The following DERA variants were observed in gnomAD, a reference collection of about 807,000 sequenced individuals.
The protein encoded by DERA is 2-deoxy-D-ribose 5-phosphate aldolase.
In DERA, 15 loss-of-function variants were observed where a neutral mutation model predicts 41.1. That is an observed-to-expected ratio of 0.37 (90% confidence interval 0.24 to 0.56). DERA has a LOEUF of 0.56. DERA is among the 20% of genes least tolerant of loss of function. DERA has a pLI of 0.81. For synonymous variants in DERA, 139 were observed against 137.4 expected (o/e 1.01, Z -0.08); for missense variants, 396 against 403.4 (o/e 0.98, Z 0.16).
At chr12:15,926,482 A>G (rs894945260) in intron 1 of DERA, among the ~76,000 whole-genome samples, 1 of 151,976 alleles carries the variant, frequency 6.6e-6, no homozygotes, top group African/African-American at 2.4e-5. Flanking sequence ...CACGCCTGTA[A>G]TCCCAGCACT....
chr12:16,034,650 A>G (rs1382977244), intron 7 of DERA, among the ~76,000 whole-genome samples: 2 of 152,166 alleles, frequency 1.3e-5, no homozygotes, highest in East Asian at 1.9e-4. Flanking sequence ...GTGTTTTAAA[A>G]TGCGATAGGC....
chr12:15,928,997 A>G lies in DERA; in HGVS notation c.31+17583A>G, dbSNP rs1948307826. ...GCGTTCTCTGTGAAAACTGGACAGG[A>G]GTCAGCTCCTTTAGAGCACTGGCTC... On this transcript the variant is annotated intron_variant, in intron 1 of 8. Transcript: ENST00000428559. This position sits in a 1 kb window ranked among gnomAD's most constrained non-coding sequence, Gnocchi z 4.6. Among the ~76,000 whole-genome samples, 1 of 152,170 alleles carries G rather than the reference A, an allele frequency of 6.6e-6. No homozygotes were observed. Among genetic ancestry groups the G allele is most frequent in the South Asian group, 2.1e-4 (1 of 4,830 alleles).
rs1372535010 is a variant in DERA, at chr12:15,965,263, G to A, written c.508+2316G>A. On this transcript the variant is annotated intron_variant, in intron 5 of 8. Transcript: ENST00000428559. The surrounding 1 kb of genome is among the most constrained non-coding windows in gnomAD (Gnocchi z 4.1). ...CTCCCTTGTGCAGTGAGGTTTGTAG[G>A]ATATTTGGTAAAGCACAATAGAAAG... 6.6e-6 allele frequency among the ~76,000 whole-genome samples: 1 copy of A among 152,144 alleles called. No individual in the cohort carries two copies. Among genetic ancestry groups the A allele is most frequent in the Non-Finnish European group, 1.5e-5 (1 of 68,022 alleles).
rs1948749223 is a variant in DERA at position 15,984,077 on chromosome 12, G to A, written c.637+1641G>A. Among the ~76,000 whole-genome samples, 1 of 152,160 alleles carries A rather than the reference G, an allele frequency of 6.6e-6. No homozygotes were observed. The highest frequency in any genetic ancestry group is 6.5e-5 in the Admixed American group (1 of 15,284). On this transcript the variant is annotated intron_variant, in intron 6 of 8. Coordinates refer to ENST00000428559, the MANE Select transcript of DERA (RefSeq NM_015954.4). The surrounding 1 kb of genome is among the most constrained non-coding windows in gnomAD (Gnocchi z 4.5). The stretch of plus-strand genomic sequence containing the variant: ...TGTTAGCCCAGGTAACAAAGTAAAA[G>A]TTTGGAAACGAATAACAGCAGCCAC...
At chr12:15,953,208 C>CCT (rs1236528751) in intron 1 of DERA, among the ~76,000 whole-genome samples, 1 of 152,276 alleles carries the variant, frequency 6.6e-6, no homozygotes, top group African/African-American at 2.4e-5. Flanking sequence ...ACCTACCCTT[C>CCT]CTCTGAACTT....
At chr12:15,917,615 G>A (rs1381608198) in intron 1 of DERA, among the ~76,000 whole-genome samples, 1 of 152,184 alleles carries the variant, frequency 6.6e-6, no homozygotes. Flanking sequence ...GAGCTAGTAA[G>A]AGTTGAGGTC....
intron 6 of DERA, among the ~76,000 whole-genome samples, chr12:16,025,853 T>C (rs1278231663): frequency 6.6e-6 from 1 of 152,066 alleles, no homozygotes; most frequent in Non-Finnish European, 1.5e-5. Context: ...CAAAATATGT[T>C]CTCAGACCAC....
Position 15,958,172 on chromosome 12 carries a change from C to T in DERA, c.130-16C>T. The T allele has an allele frequency of 6.6e-7, 1 of 1,526,638 alleles. No homozygotes were observed. Among genetic ancestry groups the T allele is most frequent in the South Asian group, 1.3e-5 (1 of 78,354 alleles). 94.6% of individuals were successfully genotyped at this position (1,526,638 alleles called of 1,614,324 possible). A position where few individuals can be genotyped will look rare whatever the true frequency, so the allele number is the denominator to read the frequency against. On this transcript the variant is annotated splice_polypyrimidine_tract_variant and intron_variant, in intron 2 of 8. Transcript: ENST00000428559. ...ATTTATTAAATTTACTTTGTTTTCA[C>T]TTTTGTTTAAACCAGGCTGCTTGGC...
At chr12:15,974,968 C>G (rs115622734) in intron 5 of DERA, among the ~76,000 whole-genome samples, 2,718 of 152,168 alleles carry the variant, frequency 0.018, 87 homozygotes, top group African/African-American at 0.063. Context: ...TTATTTTACT[C>G]AATTGGTTAT....
rs1358706679 is a variant in DERA at position 16,011,078 on chromosome 12, TTC to T, written c.638-21462_638-21461del. Among the ~76,000 whole-genome samples the T allele has an allele frequency of 1.3e-5, 2 of 152,334 alleles. No individual in the cohort carries two copies. The highest frequency in any genetic ancestry group is 3.9e-4 in the East Asian group (2 of 5,180). On this transcript the variant is annotated intron_variant, in intron 6 of 8. Coordinates refer to ENST00000428559, the MANE Select transcript of DERA (RefSeq NM_015954.4). This position sits in a 1 kb window ranked among gnomAD's most constrained non-coding sequence, Gnocchi z 4.7. ...TTCTAAATCCATTTTAAGCAGCTAT[TTC>T]TTCAATTTGAGTAATTTTCTCTCAA...
rs770887211 is a variant in DERA, at chr12:16,036,386, GTAATCATC to G, written c.900+7_900+14del. 6.3e-7 allele frequency: 1 copy of G among 1,585,936 alleles called. No homozygotes were observed. The highest frequency in any genetic ancestry group is 8.5e-7 in the Non-Finnish European group (1 of 1,169,764). On this transcript the variant is annotated splice_donor_region_variant and intron_variant, in intron 8 of 8. Coordinates refer to ENST00000428559, the MANE Select transcript of DERA (RefSeq NM_015954.4). The surrounding 1 kb of genome is among the most constrained non-coding windows in gnomAD (Gnocchi z 4.9). ...CTCTCGGACATTGAGAGGCAGGTGA[GTAATCATC>G]TCTGTCTTTGGAATAAATTAACAAG...
Position 16,019,011 on chromosome 12 carries a change from G to C in DERA, c.638-13531G>C, listed in dbSNP as rs76174699. ...GATTTTTGTCCCCAAGCTGAGCAGA[G>C]GTAAGCTTGGCTAATGTTAGATTTA... On this transcript the variant is annotated intron_variant, in intron 6 of 8. Coordinates refer to ENST00000428559, the MANE Select transcript of DERA (RefSeq NM_015954.4). This position sits in a 1 kb window ranked among gnomAD's most constrained non-coding sequence, Gnocchi z 4.4. 1.3e-5 allele frequency among the ~76,000 whole-genome samples: 2 copies of C among 152,130 alleles called. No homozygotes were observed. The highest frequency in any genetic ancestry group is 4.2e-4 in the South Asian group (2 of 4,814).
In DERA at chr12:15,982,322, AT is replaced by A. The variant is rs775544134; in HGVS notation, c.525del (p.Arg176ValfsTer16). On this transcript the variant is annotated frameshift_variant, in exon 6 of 9. Coordinates refer to ENST00000428559, the MANE Select transcript of DERA (RefSeq NM_015954.4). LOFTEE classifies it high-confidence loss of function. This position sits in a 1 kb window ranked among gnomAD's most constrained non-coding sequence, Gnocchi z 4.0. ...TTCTTCCCCAGCCCTGTATGATGAGATTCGTCAGTTTCGCAAGGCCTGTGGG... is the reference window on the plus strand; with the variant it reads ...TTCTTCCCCAGCCCTGTATGATGAGATCGTCAGTTTCGCAAGGCCTGTGGG... ...TGQWEALYDE[I>X]RQFRKACGEA... 1 of 1,613,078 alleles carries A rather than the reference AT, an allele frequency of 6.2e-7. No individual in the cohort carries two copies. Among genetic ancestry groups the A allele is most frequent in the Non-Finnish European group, 8.5e-7 (1 of 1,179,674 alleles).
At chr12:15,916,040 CT>C (rs980038539) in intron 1 of DERA, 11 of 152,192 alleles carry the variant, frequency 7.2e-5, no homozygotes, top group African/African-American at 2.7e-4. Context: ...TAATGTTACT[CT>C]TTTAGGTTTG....
intron 1 of DERA, among the ~76,000 whole-genome samples, chr12:15,926,390 A>G (rs1302657499): frequency 2.0e-5 from 3 of 152,116 alleles, no homozygotes; most frequent in African/African-American, 7.2e-5. Flanking sequence ...TCATTCGTCT[A>G]TCATAGCAAT....
Position 15,958,245 on chromosome 12 carries a change from G to T in DERA, c.187G>T (p.Asp63Tyr). The T allele has an allele frequency of 6.3e-7, 1 of 1,594,640 alleles. No homozygotes were observed. Among genetic ancestry groups the T allele is most frequent in the Non-Finnish European group, 8.6e-7 (1 of 1,169,542 alleles). ...FIDLTTLSGD[D>Y]TSSNIQRLCY... ...AGATCTTACTACACTTTCAGGTGAT[G>T]ATACATCTTCCAACATTCAAAGGCT... The change falls in exon 3 of 9, where the codon GAT (aspartate) becomes TAT (tyrosine). Residue 63 changes from aspartate (D) to tyrosine (Y), a missense_variant. Asp to Tyr is a radical substitution (Grantham distance 160). Transcript: ENST00000428559.
intron 1 of DERA, among the ~76,000 whole-genome samples, chr12:15,933,045 T>C (rs1592004584): frequency 1.3e-5 from 2 of 152,252 alleles, no homozygotes; most frequent in Non-Finnish European, 2.9e-5. Flanking sequence ...TTAGGTTTAC[T>C]ACATTTTCTT....
rs1363367839 is a variant in DERA, at chr12:15,966,148, T to C, written c.508+3201T>C. Among the ~76,000 whole-genome samples, 1 of 152,118 alleles carries C rather than the reference T, an allele frequency of 6.6e-6. No homozygotes were observed. The highest frequency in any genetic ancestry group is 1.5e-5 in the Non-Finnish European group (1 of 68,024). On this transcript the variant is annotated intron_variant, in intron 5 of 8. Transcript: ENST00000428559. The surrounding 1 kb of genome is among the most constrained non-coding windows in gnomAD (Gnocchi z 5.1). Reference sequence around the variant, plus strand: ...CTGTAATCCCAGCACTTTGGGAGGCTGAAACAGGCACTTTGGGAGGCCTCA... The same window carrying C: ...CTGTAATCCCAGCACTTTGGGAGGCCGAAACAGGCACTTTGGGAGGCCTCA...
At chr12:16,027,982 C>A (rs956041062) in intron 6 of DERA, among the ~76,000 whole-genome samples, 4 of 152,166 alleles carry the variant, frequency 2.6e-5, no homozygotes, top group African/African-American at 9.7e-5. Context: ...CATCCAGTAT[C>A]CATGGATTCC....
Sources: allele counts gnomAD v4.1 joint callset (sites outside exome capture counted in the v4.1 genomes callset), GRCh38; gene constraint gnomAD v4.1.1; non-coding constraint Gnocchi (gnomAD v3.1); transcripts MANE v1.5; gene names NCBI Gene and HGNC (gene_info 2026-07-23, HGNC 2026-07-21).